The following TOB1 variants were observed in gnomAD, a reference collection of about 807,000 sequenced individuals.
TOB1 encodes protein Tob1.
In TOB1, 2 loss-of-function variants were observed where a neutral mutation model predicts 22.9. The observed-to-expected ratio is 0.09, with a 90% confidence interval of 0.04 to 0.28. The LOEUF is 0.28. TOB1 is among the 10% of genes least tolerant of loss of function. The pLI is 1.00. For missense variants in TOB1, 299 were observed against 420.5 expected (o/e 0.71, Z 2.53); for synonymous variants, 154 against 150.6 (o/e 1.02, Z -0.17).
At chr17:50,867,001 A>G (rs995200392), upstream of TOB1, 1 of 152,252 alleles carries the variant, frequency 6.6e-6, no homozygotes, top group Non-Finnish European at 1.5e-5. Flanking sequence ...GCCTAGGCCA[A>G]CCGCCACCCA....
Position 50,866,310 on chromosome 17 carries a change from C to G in TOB1, c.-399G>C, listed in dbSNP as rs1248368638. 6.6e-6 allele frequency: 1 copy of G among 152,332 alleles called. No individual in the cohort carries two copies. The highest frequency in any genetic ancestry group is 6.5e-5 in the Admixed American group (1 of 15,282). 9.4% of individuals were successfully genotyped at this position (152,332 alleles called of 1,614,324 possible). ...CAGCCCGGTGCCCGGCCCAGCGTCCCCGTAGTGCGCCCGCTACACGCCGGG... is the reference window on the plus strand; with the variant it reads ...CAGCCCGGTGCCCGGCCCAGCGTCCGCGTAGTGCGCCCGCTACACGCCGGG... On this transcript the variant is annotated 5_prime_UTR_variant, in exon 1 of 2. Coordinates refer to ENST00000499247, the MANE Select transcript of TOB1 (RefSeq NM_005749.4).
rs144039942 is a variant in TOB1 at position 50,863,500 on chromosome 17, T to C, written c.518A>G (p.Gln173Arg). 38 of 1,614,020 alleles carry C rather than the reference T, an allele frequency of 2.4e-5. No individual in the cohort carries two copies. In the African/African-American group the frequency reaches 4.9e-4, roughly 21 times the overall value. Reference sequence around the variant, plus strand: ...AGTGGCAGTGGTAAAGGTTAAAGGCTGAGTGGACCGGGGCATGAAGGTAGG... The same window carrying C: ...AGTGGCAGTGGTAAAGGTTAAAGGCCGAGTGGACCGGGGCATGAAGGTAGG... ...VSPTFMPRST[Q>R]PLTFTTATFA... The change falls in exon 2 of 2, where the codon CAG becomes CGG. Residue 173 changes from glutamine to arginine, a missense_variant. Physicochemically the swap from Gln to Arg is conservative, Grantham distance 43. Coordinates refer to ENST00000499247, the MANE Select transcript of TOB1 (RefSeq NM_005749.4).
intron 1 of TOB1, among the ~76,000 whole-genome samples, chr17:50,865,706 C>A (rs1972289993): frequency 6.6e-6 from 1 of 152,088 alleles, no homozygotes; most frequent in Non-Finnish European, 1.5e-5. Context: ...CCTGGGGGAG[C>A]ACCGGTTCCT....
chr17:50,864,702 T>A (rs765361934), intron 1 of TOB1, among the ~76,000 whole-genome samples: 1 of 152,242 alleles, frequency 6.6e-6, no homozygotes, highest in Non-Finnish European at 1.5e-5. Context: ...ATTTCCATAG[T>A]ACATGATGCT....
At position 50,863,222 on chromosome 17, in the gene TOB1, C is replaced by A. The variant is rs369757476; in HGVS notation, c.796G>T (p.Ala266Ser). 1.2e-5 allele frequency: 20 copies of A among 1,613,938 alleles called. No individual in the cohort carries two copies. Among genetic ancestry groups the A allele is most frequent in the Non-Finnish European group, 1.4e-5 (16 of 1,180,018 alleles). The change falls in exon 2 of 2, where the codon GCT becomes TCT. Residue 266 changes from alanine to serine, a missense_variant. Transcript: ENST00000499247. ...AATTCCTTGGCATTAGGAGAAAGAG[C>A]AGAGGTTTTCTGCTGTTGTTGCTGC... ...PQQQQQQKTSALSPNAKEFIF... is the reference protein window; with the variant it reads ...PQQQQQQKTSSLSPNAKEFIF...
At position 50,864,055 on chromosome 17, in the gene TOB1, C is replaced by CAAAAAAAA; in HGVS notation, c.-39_-38insTTTTTTTT. The CAAAAAAAA allele has an allele frequency of 5.9e-6, 4 of 679,608 alleles. No homozygotes were observed. The highest frequency in any genetic ancestry group is 5.8e-5 in the South Asian group (1 of 17,156). The allele number at this position is 679,608 out of a possible 1,614,324, so 42.1% of individuals were successfully genotyped here. ...ACAAAATTAGGTTTCAACTCCCCCACCAAAAAAAAAAAAAAAAAAAAAAGA... is the reference window on the plus strand; with the variant it reads ...ACAAAATTAGGTTTCAACTCCCCCACAAAAAAAACAAAAAAAAAAAAAAAAAAAAAAGA... On this transcript the variant is annotated 5_prime_UTR_variant, in exon 2 of 2. Coordinates refer to ENST00000499247, the MANE Select transcript of TOB1 (RefSeq NM_005749.4).
chr17:50,863,968 T>A lies in TOB1; in HGVS notation c.50A>T (p.Tyr17Phe). 6.3e-7 allele frequency: 1 copy of A among 1,599,596 alleles called. No homozygotes were observed. The highest frequency in any genetic ancestry group is 1.7e-5 in the Admixed American group (1 of 57,656). The change falls in exon 2 of 2, where the codon TAC becomes TTC. Residue 17 changes from tyrosine (Y) to phenylalanine (F), a missense_variant. By Grantham distance (22) the Tyr-to-Phe change is conservative (BLOSUM62 3). Transcript: ENST00000499247. ...GACACGTCTCCTGGGAAGCTTATTG[T>A]ACAAATACGAAATAATAAAATTTAG... ...VALNFIISYL[Y>F]NKLPRRRVNI...
chr17:50,866,451 G>C (rs890859630), upstream of TOB1: 1 of 150,766 alleles, frequency 6.6e-6, no homozygotes, highest in South Asian at 2.1e-4. Context: ...ACACAGCTCC[G>C]GCGGCGCAGC....
At chr17:50,865,527 GAGA>G (rs567943914) in intron 1 of TOB1, among the ~76,000 whole-genome samples, 22 of 152,150 alleles carry the variant, frequency 1.4e-4, no homozygotes, top group Admixed American at 7.9e-4. Context: ...AGCCTCCTCG[GAGA>G]AGGAGGAGGA....
Position 50,864,056 on chromosome 17 carries a change from C to CAAAGAA in TOB1, c.-40_-39insTTCTTT. 10 of 1,038,182 alleles carry CAAAGAA rather than the reference C, an allele frequency of 9.6e-6. No individual in the cohort carries two copies. Among genetic ancestry groups the CAAAGAA allele is most frequent in the Non-Finnish European group, 1.2e-5 (10 of 860,170 alleles). 64.3% of individuals were successfully genotyped at this position (1,038,182 alleles called of 1,614,324 possible). A position where few individuals can be genotyped will look rare whatever the true frequency, so the allele number is the denominator to read the frequency against. On this transcript the variant is annotated 5_prime_UTR_variant, in exon 2 of 2. Coordinates refer to ENST00000499247, the MANE Select transcript of TOB1 (RefSeq NM_005749.4). ...CAAAATTAGGTTTCAACTCCCCCAC[C>CAAAGAA]AAAAAAAAAAAAAAAAAAAAAAGAT...
At chr17:50,865,830 C>T (rs1597991089) in intron 1 of TOB1, among the ~76,000 whole-genome samples, 1 of 151,936 alleles carries the variant, frequency 6.6e-6, no homozygotes, top group East Asian at 1.9e-4. Context: ...TCGCCCCGGG[C>T]CGCCCGTCCC....
chr17:50,863,478 G>T lies in TOB1; in HGVS notation c.540C>A (p.Ala180=). 1 of 1,614,192 alleles carries T rather than the reference G, an allele frequency of 6.2e-7. No individual in the cohort carries two copies. Among genetic ancestry groups the T allele is most frequent in the Non-Finnish European group, 8.5e-7 (1 of 1,180,042 alleles). Residue 180 remains alanine, a synonymous_variant, in exon 2 of 2, where the codon GCC becomes GCA. Transcript: ENST00000499247. ...RSTQPLTFTT[A]TFAATKFGST... ...AGCCGAACTTGGTGGCAGCAAAAGT[G>T]GCAGTGGTAAAGGTTAAAGGCTGAG...
rs770720222 is a variant in TOB1 at position 50,863,663 on chromosome 17, CATT to C, written c.352_354del (p.Asn118del). 2.5e-6 allele frequency: 4 copies of C among 1,614,040 alleles called. No homozygotes were observed. The highest frequency in any genetic ancestry group is 2.5e-6 in the Non-Finnish European group (3 of 1,180,044). ...TCCTTATCCAACTCACATCCATTTT[CATT>C]ATTATCATCCACGTAAAGCACCTTC... is the stretch of plus-strand genomic sequence containing the variant. On this transcript the variant is annotated inframe_deletion, in exon 2 of 2. Coordinates refer to ENST00000499247, the MANE Select transcript of TOB1 (RefSeq NM_005749.4).
rs1480055240 is a variant in TOB1, at chr17:50,862,790, TAC to T, written c.*188_*189del. 20 of 735,492 alleles carry T rather than the reference TAC, an allele frequency of 2.7e-5. No homozygotes were observed. Among genetic ancestry groups the T allele is most frequent in the Middle Eastern group, 4.2e-4 (1 of 2,390 alleles). 45.6% of individuals were successfully genotyped at this position (735,492 alleles called of 1,614,324 possible). The stretch of plus-strand genomic sequence containing the variant: ...ATATCTGAGAGTATACTTTAAAATA[TAC>T]AGTCAGTATAAAATAACTTTGTGCT... On this transcript the variant is annotated 3_prime_UTR_variant, in exon 2 of 2. Coordinates refer to ENST00000499247, the MANE Select transcript of TOB1 (RefSeq NM_005749.4).
In TOB1 at chr17:50,863,793, A is replaced by G; in HGVS notation, c.225T>C (p.Ser75=). ...CACGAACATCATCAATGTCCAAACC[A>G]CTCTCTTTGGATGCTTGTTCAATCA... ...DPVIEQASKE[S]GLDIDDVRGN... is the part of the protein sequence containing the mutation. The change falls in exon 2 of 2, where the codon AGT becomes AGC. Residue 75 remains serine, a synonymous_variant. Coordinates refer to ENST00000499247, the MANE Select transcript of TOB1 (RefSeq NM_005749.4). 1 of 1,613,184 alleles carries G rather than the reference A, an allele frequency of 6.2e-7. No homozygotes were observed. The highest frequency in any genetic ancestry group is 8.5e-7 in the Non-Finnish European group (1 of 1,179,826).
rs767583646 is a variant in TOB1, at chr17:50,863,665, T to C, written c.353A>G (p.Asn118Ser). The stretch of plus-strand genomic sequence containing the variant: ...CTTATCCAACTCACATCCATTTTCA[T>C]TATTATCATCCACGTAAAGCACCTT... The part of the protein sequence containing the change: ...PVKVLYVDDN[N>S]ENGCELDKEI... The change falls in exon 2 of 2, where the codon AAT becomes AGT. Residue 118 changes from asparagine (N) to serine (S), a missense_variant. Asn to Ser is a conservative substitution (Grantham distance 46, BLOSUM62 1). Transcript: ENST00000499247. The C allele has an allele frequency of 4.3e-6, 7 of 1,614,168 alleles. No individual in the cohort carries two copies. Among genetic ancestry groups the C allele is most frequent in the Non-Finnish European group, 5.1e-6 (6 of 1,180,030 alleles).
At chr17:50,864,224 C>G (rs938774193) in intron 1 of TOB1, 61 bp from the exon 2 acceptor site, 13 of 964,266 alleles carry the variant, frequency 1.3e-5, no homozygotes, top group African/African-American at 1.7e-5. Flanking sequence ...CATGACCTTC[C>G]CCCCTCCAAA....
upstream of TOB1, chr17:50,867,306 C>G (rs1036852268): frequency 6.6e-6 from 1 of 152,296 alleles, no homozygotes; most frequent in Admixed American, 6.5e-5. Flanking sequence ...AAACGCGGTG[C>G]CTGCTTGTAA....
rs1972232215 is a variant in TOB1 at position 50,862,763 on chromosome 17, C to A, written c.*217G>T. ...GCTATATCTTAAATACTGTAAGAGG[C>A]CATATCTGAGAGTATACTTTAAAAT... is the stretch of plus-strand genomic sequence containing the variant. On this transcript the variant is annotated 3_prime_UTR_variant, in exon 2 of 2. Transcript: ENST00000499247. 1 of 569,492 alleles carries A rather than the reference C, an allele frequency of 1.8e-6. No individual in the cohort carries two copies. Among genetic ancestry groups the A allele is most frequent in the Non-Finnish European group, 2.7e-6 (1 of 366,368 alleles). The allele number at this position is 569,492 out of a possible 1,614,324, so 35.3% of individuals were successfully genotyped here. A position where few individuals can be genotyped will look rare whatever the true frequency, so the allele number is the denominator to read the frequency against.
Sources: allele counts gnomAD v4.1 joint callset (sites outside exome capture counted in the v4.1 genomes callset), GRCh38; gene constraint gnomAD v4.1.1; transcripts MANE v1.5; gene names NCBI Gene and HGNC (gene_info 2026-07-23, HGNC 2026-07-21).